NXPE2: variants seen among roughly 807,000 people sequenced by gnomAD.
NXPE2 encodes NXPE family member 2.
In NXPE2, 34 loss-of-function variants were observed where a neutral mutation model predicts 34.4. That is an observed-to-expected ratio of 0.99 (90% CI 0.75 to 1.31). The LOEUF is 1.31. NXPE2 is among the 40% of genes most tolerant of loss of function. The pLI is 0.00. For synonymous variants in NXPE2, 235 were observed against 231.3 expected, an observed-to-expected ratio of 1.02 and a Z score of -0.15; for missense variants, 649 against 672.5, an observed-to-expected ratio of 0.97 and a Z score of 0.39.
the NXPE2 span, chr11:114,513,036 A>AC: frequency 6.6e-3 from 2,736 of 416,084 alleles, 42 homozygotes; most frequent in African/African-American, 0.047. Flanking sequence ...GGGGTATCTG[A>AC]CCCCCCCCAG....
the NXPE2 span, among the ~76,000 whole-genome samples, chr11:114,535,893 G>A: frequency 6.6e-6 from 1 of 152,066 alleles, no homozygotes; most frequent in Admixed American, 6.6e-5. Flanking sequence ...AGTTAACAAG[G>A]ATATACAGGA....
the NXPE2 span, among the ~76,000 whole-genome samples, chr11:114,592,016 G>T: frequency 1.3e-5 from 2 of 152,124 alleles, no homozygotes; most frequent in Admixed American, 6.5e-5. Context: ...AGGCATGGAA[G>T]AAATGTACCT....
At chr11:114,592,451 G>A in the NXPE2 span, among the ~76,000 whole-genome samples, 2 of 151,828 alleles carry the variant, frequency 1.3e-5, no homozygotes, top group Non-Finnish European at 2.9e-5. Context: ...GGAATAAATT[G>A]ATCTAAAGAG....
the NXPE2 span, among the ~76,000 whole-genome samples, chr11:114,712,682 T>C: frequency 6.6e-6 from 1 of 152,200 alleles, no homozygotes; most frequent in Non-Finnish European, 1.5e-5. Flanking sequence ...TGTAAAATAG[T>C]GCAACCATAC....
At chr11:114,543,667 T>C in the NXPE2 span, among the ~76,000 whole-genome samples, 336 of 152,204 alleles carry the variant, frequency 2.2e-3, no homozygotes, top group African/African-American at 7.9e-3. Context: ...TTCCCCAATA[T>C]TGGAACCAGT....
the NXPE2 span, among the ~76,000 whole-genome samples, chr11:114,465,876 TACTC>T: frequency 1.8e-4 from 27 of 152,324 alleles, no homozygotes; most frequent in South Asian, 1.9e-3. Flanking sequence ...GCATAGAACA[TACTC>T]AATAAATGTT....
the NXPE2 span, among the ~76,000 whole-genome samples, chr11:114,531,401 C>A: frequency 6.6e-6 from 1 of 152,138 alleles, no homozygotes; most frequent in East Asian, 1.9e-4. Flanking sequence ...CATTTATCTC[C>A]TGGATTATAG....
upstream of NXPE2, among the ~76,000 whole-genome samples, chr11:114,678,037 C>T (rs1950877904): frequency 6.6e-6 from 1 of 152,068 alleles, no homozygotes; most frequent in South Asian, 2.1e-4. Context: ...TTTAAATCAT[C>T]GCTGTGGGAC....
the NXPE2 span, among the ~76,000 whole-genome samples, chr11:114,482,871 CCA>C: frequency 6.6e-6 from 1 of 152,192 alleles, no homozygotes; most frequent in Non-Finnish European, 1.5e-5. Context: ...TACAATCAAT[CCA>C]CAGAGTTTTT....
chr11:114,491,345 C>T, the NXPE2 span, among the ~76,000 whole-genome samples: 11 of 151,812 alleles, frequency 7.2e-5, no homozygotes, highest in South Asian at 4.2e-4. Flanking sequence ...AAAAAGTGGG[C>T]GAAGGATATG....
At chr11:114,624,955 C>A in the NXPE2 span, among the ~76,000 whole-genome samples, 1 of 152,016 alleles carries the variant, frequency 6.6e-6, no homozygotes, top group African/African-American at 2.4e-5. Flanking sequence ...TCGTGAGTAA[C>A]CACTGTCACC....
chr11:114,549,232 G>C, the NXPE2 span, among the ~76,000 whole-genome samples: 1 of 151,888 alleles, frequency 6.6e-6, no homozygotes, highest in Non-Finnish European at 1.5e-5. Context: ...CAGAGCACTA[G>C]AAACAAATAA....
the NXPE2 span, among the ~76,000 whole-genome samples, chr11:114,520,724 A>G: frequency 6.6e-6 from 1 of 152,132 alleles, no homozygotes; most frequent in Non-Finnish European, 1.5e-5. Context: ...TCCCACCAAG[A>G]GTGTATGAGA....
chr11:114,517,426 TA>T, the NXPE2 span, among the ~76,000 whole-genome samples: 1 of 152,206 alleles, frequency 6.6e-6, no homozygotes, highest in African/African-American at 2.4e-5. Flanking sequence ...ATCATGGTGC[TA>T]CTCTGTTTTA....
At chr11:114,631,438 C>T in the NXPE2 span, among the ~76,000 whole-genome samples, 2 of 147,398 alleles carry the variant, frequency 1.4e-5, no homozygotes, top group East Asian at 4.0e-4. Context: ...AAACCAAACA[C>T]TGCATATTCT....
the NXPE2 span, among the ~76,000 whole-genome samples, chr11:114,611,793 G>C: frequency 6.6e-6 from 1 of 151,858 alleles, no homozygotes; most frequent in Admixed American, 6.6e-5. Context: ...TGGATAATAA[G>C]TGTTGCCTCT....
chr11:114,612,764 G>A, the NXPE2 span, among the ~76,000 whole-genome samples: 11 of 151,334 alleles, frequency 7.3e-5, no homozygotes, highest in Admixed American at 1.3e-4. Context: ...GTGTTGCCTC[G>A]TGGGTAACCA....
the NXPE2 span, among the ~76,000 whole-genome samples, chr11:114,505,542 A>G: frequency 6.6e-6 from 1 of 152,238 alleles, no homozygotes; most frequent in Non-Finnish European, 1.5e-5. Context: ...CTGAAACCCT[A>G]CAAGCCAGAG....
the NXPE2 span, among the ~76,000 whole-genome samples, chr11:114,649,982 C>T: frequency 1.3e-5 from 2 of 152,052 alleles, no homozygotes; most frequent in Admixed American, 1.3e-4. Flanking sequence ...ATATGCATCC[C>T]ATAGAGTTCT....
Sources: allele counts gnomAD v4.1 joint callset (sites outside exome capture counted in the v4.1 genomes callset), GRCh38; gene constraint gnomAD v4.1.1; transcripts MANE v1.5; gene names NCBI Gene and HGNC (gene_info 2026-07-23, HGNC 2026-07-21).